Variants in SNTG1 observed in about 807,000 individuals in gnomAD.
SNTG1 encodes the protein syntrophin gamma 1.
SNTG1 carries 39 observed loss-of-function variants against 74.7 expected under a neutral mutation model. That is an observed-to-expected ratio of 0.52 (90% CI 0.40 to 0.68). SNTG1 has a LOEUF of 0.68. Ranked by LOEUF, SNTG1 falls within the 30% of genes least tolerant of loss-of-function variation. The probability of loss-of-function intolerance (pLI) is 0.00; values close to 1 mark genes in which losing one functional copy is unlikely to be tolerated. For missense variants in SNTG1, 685 were observed against 609.5 expected (o/e 1.12, Z -1.30); for synonymous variants, 254 against 217.1 (o/e 1.17, Z -1.49).
At chr8:50,205,250 A>G (rs2084166390) in intron 2 of SNTG1, among the ~76,000 whole-genome samples, 1 of 152,118 alleles carries the variant, frequency 6.6e-6, no homozygotes, top group South Asian at 2.1e-4. Context: ...TGACTTTTTA[A>G]TGATCACCAT....
intron 1 of SNTG1, among the ~76,000 whole-genome samples, chr8:50,075,715 A>C (rs373228268): frequency 1.3e-5 from 2 of 152,232 alleles, no homozygotes; most frequent in African/African-American, 4.8e-5. Flanking sequence ...TGTAACACTC[A>C]CTGGGAAGGT....
chr8:50,452,801 CT>C (rs2093469165), intron 8 of SNTG1, among the ~76,000 whole-genome samples: 1 of 152,140 alleles, frequency 6.6e-6, no homozygotes, highest in African/African-American at 2.4e-5. Context: ...CTATTAGATG[CT>C]TTGTCCTCAC....
intron 13 of SNTG1, among the ~76,000 whole-genome samples, chr8:50,598,767 A>G (rs112995236): frequency 0.032 from 4,919 of 151,884 alleles, 130 homozygotes; most frequent in African/African-American, 0.06. Context: ...AATGCTTTAT[A>G]GTTTTTATTA....
At chr8:50,165,833 A>G (rs1015715207) in intron 1 of SNTG1, among the ~76,000 whole-genome samples, 9 of 152,200 alleles carry the variant, frequency 5.9e-5, no homozygotes, top group African/African-American at 1.9e-4. Flanking sequence ...ATGTCATCCA[A>G]TTATGCTGGA....
At chr8:50,538,118 A>G (rs2094320546) in intron 11 of SNTG1, among the ~76,000 whole-genome samples, 1 of 152,114 alleles carries the variant, frequency 6.6e-6, no homozygotes, top group African/African-American at 2.4e-5. Context: ...TGTGTAGGTA[A>G]TATATCACAG....
At chr8:50,600,748 T>G (rs1185168622) in intron 13 of SNTG1, among the ~76,000 whole-genome samples, 1 of 152,156 alleles carries the variant, frequency 6.6e-6, no homozygotes, top group Non-Finnish European at 1.5e-5. Context: ...CTTTTCACTT[T>G]GTTATCTTTT....
chr8:50,413,780 T>C (rs987249013), intron 4 of SNTG1, among the ~76,000 whole-genome samples: 5 of 152,152 alleles, frequency 3.3e-5, no homozygotes, highest in African/African-American at 1.2e-4. Context: ...CTCTGTGGAC[T>C]CTAAAGGCAA....
intron 2 of SNTG1, among the ~76,000 whole-genome samples, chr8:50,205,298 A>G (rs1161116822): frequency 6.6e-6 from 1 of 152,096 alleles, no homozygotes; most frequent in African/African-American, 2.4e-5. Flanking sequence ...TGTGGTTTTG[A>G]TCTGCATTTC....
intron 12 of SNTG1, among the ~76,000 whole-genome samples, chr8:50,561,194 T>C (rs936857198): frequency 6.6e-6 from 1 of 152,112 alleles, no homozygotes; most frequent in South Asian, 2.1e-4. Flanking sequence ...TGTGTGGCAG[T>C]TCCCCCTTTG....
At chr8:50,617,646 G>A (rs1000689160) in intron 13 of SNTG1, among the ~76,000 whole-genome samples, 22 of 152,156 alleles carry the variant, frequency 1.4e-4, no homozygotes, top group Non-Finnish European at 2.8e-4. Context: ...CGAGCTCCCC[G>A]AGTGAGCAAT....
intron 2 of SNTG1, among the ~76,000 whole-genome samples, chr8:50,289,334 C>A (rs994865743): frequency 1.3e-5 from 2 of 152,280 alleles, no homozygotes; most frequent in South Asian, 2.1e-4. Context: ...ATAGAATGCA[C>A]AGACTTAGGA....
chr8:50,221,203 T>C (rs926845694), intron 2 of SNTG1, among the ~76,000 whole-genome samples: 8 of 152,076 alleles, frequency 5.3e-5, no homozygotes, highest in African/African-American at 1.9e-4. Context: ...GTACACAATA[T>C]GGTAATATAG....
At chr8:50,451,336 G>C (rs1000227636) in intron 8 of SNTG1, among the ~76,000 whole-genome samples, 1 of 152,128 alleles carries the variant, frequency 6.6e-6, no homozygotes, top group African/African-American at 2.4e-5. Flanking sequence ...TTATATAAGG[G>C]ACTTGAGCAT....
chr8:50,630,657 A>G (rs1412943161), intron 13 of SNTG1, among the ~76,000 whole-genome samples: 2 of 152,198 alleles, frequency 1.3e-5, no homozygotes, highest in Non-Finnish European at 2.9e-5. Context: ...AGTAATCTCA[A>G]TGTCAGTCAC....
intron 11 of SNTG1, among the ~76,000 whole-genome samples, chr8:50,551,014 T>C (rs1213914027): frequency 6.6e-6 from 1 of 152,076 alleles, no homozygotes; most frequent in Non-Finnish European, 1.5e-5. Context: ...TACATAGAAC[T>C]TCATCCAGGT....
chr8:50,521,971 G>T (rs1414248827), intron 9 of SNTG1, among the ~76,000 whole-genome samples: 4 of 152,096 alleles, frequency 2.6e-5, no homozygotes, highest in African/African-American at 9.6e-5. Flanking sequence ...TCTTAATATT[G>T]ATATTTTTAC....
chr8:50,366,655 T>G (rs1467872781), intron 2 of SNTG1, among the ~76,000 whole-genome samples: 5 of 147,422 alleles, frequency 3.4e-5, no homozygotes, highest in Admixed American at 6.8e-5. Flanking sequence ...ATATATATTA[T>G]TTTGTAATAA....
chr8:50,124,063 T>A (rs1340808359), intron 1 of SNTG1, among the ~76,000 whole-genome samples: 1 of 142,396 alleles, frequency 7.0e-6, no homozygotes, highest in Non-Finnish European at 1.6e-5. Context: ...TAACTTCCGG[T>A]ACCTCAGAAT....
chr8:50,399,378 G>A (rs1222954355), intron 3 of SNTG1, among the ~76,000 whole-genome samples: 1 of 152,168 alleles, frequency 6.6e-6, no homozygotes, highest in African/African-American at 2.4e-5. Flanking sequence ...TAGTATTTAA[G>A]TGAATGATAG....
Sources: gnomAD v4.1 joint callset for allele counts (sites outside exome capture counted in the v4.1 genomes callset) on GRCh38, gnomAD v4.1.1 for gene constraint, MANE v1.5 for transcripts, NCBI Gene and HGNC (gene_info 2026-07-23, HGNC 2026-07-21) for gene names.